The following SNX24 variants were observed in gnomAD, a reference collection of about 807,000 sequenced individuals.
SNX24 encodes sorting nexin 24, also known as sorting nexin-24.
Under a neutral mutation model 28.7 loss-of-function variants are expected in SNX24, and 22 were observed. The observed-to-expected ratio is 0.77, with a 90% confidence interval of 0.55 to 1.10. The LOEUF (loss-of-function observed/expected upper bound fraction) is 1.10, where lower values mean the gene tolerates loss of function less well. SNX24 is among the 50% of genes least tolerant of loss of function. The pLI, the probability that SNX24 is intolerant of heterozygous loss-of-function variation, is 0.00. For synonymous variants in SNX24, 69 were observed against 71.5 expected (o/e 0.96, Z 0.18); for missense variants, 221 against 201.1 (o/e 1.10, Z -0.60).
intron 3 of SNX24, among the ~76,000 whole-genome samples, chr5:122,978,219 A>G (rs182163479): frequency 3.7e-4 from 57 of 152,364 alleles, no homozygotes; most frequent in Non-Finnish European, 7.3e-4. Flanking sequence ...AAGTGTTTAC[A>G]AGTGTGATAA....
intron 1 of SNX24, among the ~76,000 whole-genome samples, chr5:122,873,417 T>G (rs896672573): frequency 6.6e-6 from 1 of 152,114 alleles, no homozygotes; most frequent in Non-Finnish European, 1.5e-5. Flanking sequence ...GTCTGTTTAA[T>G]TGGAAATTTA....
intron 1 of SNX24, among the ~76,000 whole-genome samples, chr5:122,911,296 G>T (rs1402600624): frequency 6.6e-6 from 1 of 152,110 alleles, no homozygotes; most frequent in African/African-American, 2.4e-5. Flanking sequence ...CATATCCTTT[G>T]CCCACTTTTT....
downstream of SNX24, chr5:123,009,278 C>T: frequency 4.1e-5 from 37 of 907,478 alleles, no homozygotes; most frequent in Non-Finnish European, 4.6e-5. Context: ...CACACACACA[C>T]ATATGTGCAC....
At chr5:122,883,998 T>C (rs961899857) in intron 1 of SNX24, among the ~76,000 whole-genome samples, 6 of 152,172 alleles carry the variant, frequency 3.9e-5, no homozygotes, top group African/African-American at 1.4e-4. Context: ...AGTGGATTGG[T>C]GACTATTTTC....
At chr5:122,881,626 G>T (rs1756483850) in intron 1 of SNX24, among the ~76,000 whole-genome samples, 1 of 152,074 alleles carries the variant, frequency 6.6e-6, no homozygotes, top group Non-Finnish European at 1.5e-5. Context: ...GATCAATTCT[G>T]CTAAGCTTCA....
intron 1 of SNX24, among the ~76,000 whole-genome samples, chr5:122,908,366 A>C (rs1757737902): frequency 6.6e-6 from 1 of 152,220 alleles, no homozygotes; most frequent in Non-Finnish European, 1.5e-5. Flanking sequence ...GAGGGAAATC[A>C]CTACAATAGA....
chr5:123,007,524 G>C (rs1175250705), intron 6 of SNX24, among the ~76,000 whole-genome samples, 158 bp from the exon 7 acceptor site: 2 of 152,206 alleles, frequency 1.3e-5, no homozygotes, highest in East Asian at 1.9e-4. Flanking sequence ...CAGCATGACT[G>C]ATAGCACATC....
chr5:122,964,038 C>T lies in SNX24; in HGVS notation c.249+17879C>T, dbSNP rs550194034. 3.3e-5 allele frequency among the ~76,000 whole-genome samples: 5 copies of T among 151,914 alleles called. No individual in the cohort carries two copies. The South Asian group carries it at 1.0e-3, about 32-fold the overall frequency. ...TGGGCAGATCACAAGGTCAGGAGTTCGAGAGCAGCCTGGCCAACGTGGCGA... is the reference window on the plus strand; with the variant it reads ...TGGGCAGATCACAAGGTCAGGAGTTTGAGAGCAGCCTGGCCAACGTGGCGA... On this transcript the variant is annotated intron_variant, in intron 3 of 6. Transcript: ENST00000261369.
intron 6 of SNX24, among the ~76,000 whole-genome samples, chr5:123,006,268 C>T (rs1022690559): frequency 6.6e-6 from 1 of 152,178 alleles, no homozygotes; most frequent in Non-Finnish European, 1.5e-5. Flanking sequence ...TTTTACTCCT[C>T]TTCTGGGTCT....
At chr5:122,860,154 A>C (rs1755391559) in intron 1 of SNX24, among the ~76,000 whole-genome samples, 1 of 152,220 alleles carries the variant, frequency 6.6e-6, no homozygotes, top group Non-Finnish European at 1.5e-5. Flanking sequence ...CAGGGCCGTC[A>C]AAACATGGCA....
At chr5:122,846,618 A>G (rs373815792) in intron 1 of SNX24, among the ~76,000 whole-genome samples, 1 of 152,160 alleles carries the variant, frequency 6.6e-6, no homozygotes, top group Non-Finnish European at 1.5e-5. Context: ...CCCTCCTCTA[A>G]ATATTACTGG....
chr5:122,956,388 A>G (rs2150134403), intron 3 of SNX24, among the ~76,000 whole-genome samples: 1 of 151,046 alleles, frequency 6.6e-6, no homozygotes, highest in African/African-American at 2.4e-5. Flanking sequence ...ACACACACAC[A>G]CACACACACA....
intron 1 of SNX24, among the ~76,000 whole-genome samples, chr5:122,876,826 G>C (rs888992839): frequency 2.0e-5 from 3 of 152,190 alleles, no homozygotes; most frequent in African/African-American, 7.2e-5. Context: ...GACTAGGTAG[G>C]ATTTAAATAA....
intron 1 of SNX24, among the ~76,000 whole-genome samples, chr5:122,926,303 AG>A (rs1758692292): frequency 6.6e-6 from 1 of 152,056 alleles, no homozygotes. Flanking sequence ...GGTGAGTGAG[AG>A]GGAGTAGGAA....
Position 122,911,375 on chromosome 5 carries a change from C to T in SNX24, c.61-25359C>T, listed in dbSNP as rs377217765. On this transcript the variant is annotated intron_variant, in intron 1 of 6. Transcript: ENST00000261369. Reference sequence around the variant, plus strand: ...TTGTAGATTCTGGATATTAGCCCTTCGTCAGATGAGTAGGTTGTGAAAATT... The same window carrying T: ...TTGTAGATTCTGGATATTAGCCCTTTGTCAGATGAGTAGGTTGTGAAAATT... 9.2e-4 allele frequency among the ~76,000 whole-genome samples: 140 copies of T among 152,058 alleles called. 1 individual carries two copies. The highest frequency in any genetic ancestry group is 3.4e-3 in the Middle Eastern group (1 of 294).
At chr5:122,884,702 A>G (rs191451597) in intron 1 of SNX24, among the ~76,000 whole-genome samples, 1 of 152,322 alleles carries the variant, frequency 6.6e-6, no homozygotes, top group East Asian at 1.9e-4. Flanking sequence ...GATTAGGAGA[A>G]AGGTTCTGAC....
At chr5:122,859,609 A>G (rs1167044013) in intron 1 of SNX24, among the ~76,000 whole-genome samples, 1 of 152,132 alleles carries the variant, frequency 6.6e-6, no homozygotes, top group Non-Finnish European at 1.5e-5. Context: ...CTCAAATAAT[A>G]AATAATAATA....
intron 6 of SNX24, among the ~76,000 whole-genome samples, chr5:123,005,110 A>T (rs886244274): frequency 6.6e-6 from 1 of 152,190 alleles, no homozygotes; most frequent in Non-Finnish European, 1.5e-5. Context: ...TGATTATGTT[A>T]TTTCTGATCG....
At chr5:123,022,715 G>A (rs950817576) in intron 5 of SNX24, 5 of 152,470 alleles carry the variant, frequency 3.3e-5, no homozygotes, top group African/African-American at 9.6e-5. Context: ...GAATTCCTGG[G>A]CTTAAGTAAT....
Sources: allele counts gnomAD v4.1 joint callset (sites outside exome capture counted in the v4.1 genomes callset), GRCh38; gene constraint gnomAD v4.1.1; transcripts MANE v1.5; gene names NCBI Gene and HGNC (gene_info 2026-07-23, HGNC 2026-07-21).